The following DLGAP2 variants were observed in gnomAD, a reference collection of about 807,000 sequenced individuals.
The protein encoded by DLGAP2 is DLG associated protein 2, also known as disks large-associated protein 2.
In DLGAP2, 26 loss-of-function variants were observed where a neutral mutation model predicts 100.3. The ratio of observed to expected loss-of-function variants is 0.26; its 90% CI spans 0.19 to 0.36. DLGAP2 has a LOEUF of 0.36. Ranked by LOEUF, DLGAP2 falls within the 10% of genes least tolerant of loss-of-function variation. The pLI is 1.00. For missense variants in DLGAP2, 1,858 were observed against 1,453.2 expected, an observed-to-expected ratio of 1.28 and a Z score of -4.53; for synonymous variants, 886 against 630.1, an observed-to-expected ratio of 1.41 and a Z score of -6.08.
intron 1 of DLGAP2, chr8:753,478 C>A (rs1355261449): frequency 6.6e-6 from 1 of 152,184 alleles, no homozygotes; most frequent in Non-Finnish European, 1.5e-5. Flanking sequence ...GCAGGGATGC[C>A]TGTGAGATGG....
At chr8:1,210,960 A>G (rs1350951967) in intron 2 of DLGAP2, among the ~76,000 whole-genome samples, 2 of 152,158 alleles carry the variant, frequency 1.3e-5, no homozygotes, top group Non-Finnish European at 2.9e-5. Flanking sequence ...AGGTTCAAGG[A>G]CAGATCCTCC....
chr8:1,308,688 G>C (rs1439702294), intron 3 of DLGAP2, among the ~76,000 whole-genome samples: 2 of 152,090 alleles, frequency 1.3e-5, no homozygotes, highest in Admixed American at 6.5e-5. Flanking sequence ...ACCATGACAG[G>C]CTAATTTTGC....
intron 12 of DLGAP2, among the ~76,000 whole-genome samples, chr8:1,686,876 A>T (rs988255273): frequency 2.2e-4 from 33 of 152,348 alleles, no homozygotes; most frequent in Middle Eastern, 3.4e-3. Context: ...AAGAATTGTA[A>T]TGTTCCCAAC....
chr8:1,358,149 A>T (rs1801899037), intron 3 of DLGAP2, among the ~76,000 whole-genome samples: 1 of 152,206 alleles, frequency 6.6e-6, no homozygotes, highest in Non-Finnish European at 1.5e-5. Flanking sequence ...ATCCAGGTGC[A>T]TCCTTTTCTG....
chr8:768,062 G>C lies in DLGAP2; in HGVS notation c.18+30237G>C, dbSNP rs368909789. ...ATGTGCATTCTCTTTCAGCTCTCTAGTGTTTTCCCCACTTCCCGTGGGCTT... is the reference window on the plus strand; with the variant it reads ...ATGTGCATTCTCTTTCAGCTCTCTACTGTTTTCCCCACTTCCCGTGGGCTT... On this transcript the variant is annotated intron_variant, in intron 1 of 14. Coordinates refer to ENST00000637795, the MANE Select transcript of DLGAP2 (RefSeq NM_001346810.2). Among the ~76,000 whole-genome samples, 14 of 152,346 alleles carry C rather than the reference G, an allele frequency of 9.2e-5. No homozygotes were observed. The South Asian group carries it at 2.9e-3, about 32-fold the overall frequency.
intron 2 of DLGAP2, among the ~76,000 whole-genome samples, chr8:1,235,561 A>T (rs1261154468): frequency 8.0e-6 from 1 of 125,032 alleles, no homozygotes; most frequent in African/African-American, 3.5e-5. Flanking sequence ...CGCCATGTCT[A>T]GTTCTCTCAC....
intron 2 of DLGAP2, among the ~76,000 whole-genome samples, chr8:1,098,873 G>A (rs942101325): frequency 2.0e-5 from 3 of 152,154 alleles, no homozygotes; most frequent in Admixed American, 6.5e-5. Flanking sequence ...AGGGCCCTTC[G>A]TCCTCACTTG....
intron 2 of DLGAP2, among the ~76,000 whole-genome samples, chr8:1,170,318 C>T (rs1008441131): frequency 6.0e-5 from 9 of 151,174 alleles, no homozygotes; most frequent in African/African-American, 1.7e-4. Context: ...CATCAATGTT[C>T]ATCAAGGATA....
intron 3 of DLGAP2, among the ~76,000 whole-genome samples, chr8:1,447,944 T>A (rs957853047): frequency 3.9e-5 from 6 of 151,910 alleles, no homozygotes; most frequent in Admixed American, 1.3e-4. Context: ...CCCCTTTATC[T>A]TTTTTTATTG....
chr8:1,389,672 G>A (rs553753718), intron 3 of DLGAP2, among the ~76,000 whole-genome samples: 67 of 152,236 alleles, frequency 4.4e-4, no homozygotes, highest in Middle Eastern at 3.4e-3. Flanking sequence ...TGGATGCAGC[G>A]GAGAGACAAG....
chr8:1,496,624 A>AG (rs1799553540), intron 3 of DLGAP2, among the ~76,000 whole-genome samples: 1 of 152,162 alleles, frequency 6.6e-6, no homozygotes, highest in African/African-American at 2.4e-5. Context: ...TGTTTGATTA[A>AG]GGGCCATCAC....
intron 2 of DLGAP2, among the ~76,000 whole-genome samples, chr8:1,174,860 A>C (rs1343924600): frequency 6.6e-6 from 1 of 152,206 alleles, no homozygotes; most frequent in Non-Finnish European, 1.5e-5. Flanking sequence ...ATGTTTACAA[A>C]ATCCTAAGTG....
chr8:1,501,230 G>A (rs2286218), intron 3 of DLGAP2, 136 bp from the exon 4 acceptor site: 36,618 of 885,612 alleles, frequency 0.041, 3,580 homozygotes, highest in African/African-American at 0.3. Flanking sequence ...GGCTCTGAGC[G>A]GTGACGTTTG....
rs1315262929 is a variant in DLGAP2 at position 1,090,892 on chromosome 8, C to T, written c.74-167959C>T. On this transcript the variant is annotated intron_variant, in intron 2 of 14. Coordinates refer to ENST00000637795, the MANE Select transcript of DLGAP2 (RefSeq NM_001346810.2). ...ACATGAAAATCATTTTCTATAATTT[C>T]TATGATTTCAGTTTAAACTTAGTAT... 6.6e-5 allele frequency among the ~76,000 whole-genome samples: 10 copies of T among 152,318 alleles called. No homozygotes were observed. In the South Asian group the frequency reaches 1.7e-3, roughly 25 times the overall value.
intron 2 of DLGAP2, among the ~76,000 whole-genome samples, chr8:1,202,238 T>C (rs566982307): frequency 1.0e-5 from 1 of 96,662 alleles, no homozygotes; most frequent in Admixed American, 1.2e-4. Flanking sequence ...TATGTATAGA[T>C]GCAGTGTGTG....
intron 2 of DLGAP2, among the ~76,000 whole-genome samples, chr8:967,819 TATATATATATA>T (rs1799913065): frequency 0.043 from 1,145 of 26,800 alleles, 202 homozygotes; most frequent in Admixed American, 0.067. Flanking sequence ...AACACCACTA[TATATATATATA>T]TATATATATA....
chr8:1,496,654 C>G (rs1173893156), intron 3 of DLGAP2, among the ~76,000 whole-genome samples: 5 of 152,162 alleles, frequency 3.3e-5, no homozygotes, highest in African/African-American at 9.7e-5. Context: ...CAGATCCACC[C>G]AGACCCCTCT....
chr8:845,452 T>C (rs891109371), intron 1 of DLGAP2, among the ~76,000 whole-genome samples: 4 of 152,380 alleles, frequency 2.6e-5, no homozygotes, highest in South Asian at 2.1e-4. Flanking sequence ...GTTGGCTGTT[T>C]GTATATCTCC....
chr8:1,152,398 A>G (rs1334612669), intron 2 of DLGAP2, among the ~76,000 whole-genome samples: 1 of 152,250 alleles, frequency 6.6e-6, no homozygotes, highest in African/African-American at 2.4e-5. Flanking sequence ...GCCTCAATGC[A>G]ATGACACTAA....
Sources: gnomAD v4.1 joint callset for allele counts (sites outside exome capture counted in the v4.1 genomes callset) on GRCh38, gnomAD v4.1.1 for gene constraint, MANE v1.5 for transcripts, NCBI Gene and HGNC (gene_info 2026-07-23, HGNC 2026-07-21) for gene names.